The following SMARCD1 variants were observed in gnomAD, a reference collection of about 807,000 sequenced individuals.
SMARCD1 encodes SWI/SNF related BAF chromatin remodeling complex subunit D1, also known as SWI/SNF-related matrix-associated actin-dependent regulator of chromatin subfamily D member 1.
In SMARCD1, 16 loss-of-function variants were observed where a neutral mutation model predicts 70.8. The observed-to-expected ratio is 0.23, with a 90% confidence interval of 0.15 to 0.34. SMARCD1 has a LOEUF of 0.34. Among genes scored for constraint, SMARCD1 ranks in the 10% least tolerant of loss-of-function variants. The pLI is 1.00. For missense variants in SMARCD1, 409 were observed against 655.5 expected (o/e 0.62, Z 4.11); for synonymous variants, 249 against 246.0 (o/e 1.01, Z -0.11).
intron 9 of SMARCD1, among the ~76,000 whole-genome samples, chr12:50,093,344 T>G (rs1336636359): frequency 1.3e-5 from 2 of 150,974 alleles, no homozygotes; most frequent in Non-Finnish European, 3.0e-5. Flanking sequence ...GTGCACCACT[T>G]TTTGTATTGA....
intron 8 of SMARCD1, 29 bp from the exon 9 acceptor site, chr12:50,090,464 T>C (rs1446526741): frequency 6.2e-7 from 1 of 1,613,178 alleles, no homozygotes; most frequent in African/African-American, 1.3e-5. Flanking sequence ...CTCAAACTGC[T>C]AACCTCGTGC....
intron 10 of SMARCD1, among the ~76,000 whole-genome samples, chr12:50,094,797 CT>C (rs1057293932): frequency 6.6e-6 from 1 of 152,014 alleles, no homozygotes; most frequent in Non-Finnish European, 1.5e-5. Context: ...ACCATAGTAC[CT>C]TTTTTTTCCT....
At chr12:50,088,007 C>G (rs1698577845) in intron 5 of SMARCD1, among the ~76,000 whole-genome samples, 1 of 152,150 alleles carries the variant, frequency 6.6e-6, no homozygotes, top group South Asian at 2.1e-4. Flanking sequence ...TTCTCTCATT[C>G]CCTTACATTC....
chr12:50,088,867 C>T (rs1950816125), intron 6 of SMARCD1: 1 of 293,036 alleles, frequency 3.4e-6, no homozygotes, highest in Non-Finnish European at 6.3e-6. Flanking sequence ...TGTTACTATC[C>T]TGGTCACTGC....
rs543595898 is a variant in SMARCD1 at position 50,099,066 on chromosome 12, A to G, written c.*66A>G. 4 of 1,485,936 alleles carry G rather than the reference A, an allele frequency of 2.7e-6. No individual in the cohort carries two copies. The highest frequency in any genetic ancestry group is 3.8e-6 in the Non-Finnish European group (4 of 1,064,248). 92.0% of individuals were successfully genotyped at this position (1,485,936 alleles called of 1,614,324 possible). ...ATTTGGGCCCTGTGCTGCCTGCCTCATAGTATCTGCCTTGGTCTTGCTTGG... is the reference window on the plus strand; with the variant it reads ...ATTTGGGCCCTGTGCTGCCTGCCTCGTAGTATCTGCCTTGGTCTTGCTTGG... On this transcript the variant is annotated 3_prime_UTR_variant, in exon 13 of 13. Coordinates refer to ENST00000394963, the MANE Select transcript of SMARCD1 (RefSeq NM_003076.5).
At chr12:50,088,030 T>A (rs1950807337) in intron 5 of SMARCD1, among the ~76,000 whole-genome samples, 1 of 152,152 alleles carries the variant, frequency 6.6e-6, no homozygotes, top group Admixed American at 6.5e-5. Context: ...TGGCTCTTAT[T>A]TTTAGCTGCT....
At chr12:50,090,703 T>TA in intron 9 of SMARCD1, 113 bp downstream of exon 9, 6 of 661,514 alleles carry the variant, frequency 9.1e-6, no homozygotes, top group South Asian at 1.8e-5. Context: ...ACACAACTGT[T>TA]ACACTGTTAC....
chr12:50,099,219 C>G lies in SMARCD1; in HGVS notation c.*219C>G, dbSNP rs1228120226. ...CAGCTTCCCTTTGCCCCACAAAGTTCCCATGTGCCTGTACCCTCCCCTGGT... is the reference window on the plus strand; with the variant it reads ...CAGCTTCCCTTTGCCCCACAAAGTTGCCATGTGCCTGTACCCTCCCCTGGT... On this transcript the variant is annotated 3_prime_UTR_variant, in exon 13 of 13. Coordinates refer to ENST00000394963, the MANE Select transcript of SMARCD1 (RefSeq NM_003076.5). 1.6e-6 allele frequency: 1 copy of G among 616,864 alleles called. No homozygotes were observed. Among genetic ancestry groups the G allele is most frequent in the African/African-American group, 1.8e-5 (1 of 54,248 alleles). The allele number at this position is 616,864 out of a possible 1,614,324, so 38.2% of individuals were successfully genotyped here.
intron 11 of SMARCD1, among the ~76,000 whole-genome samples, chr12:50,097,727 A>G (rs1950905097): frequency 6.6e-6 from 1 of 150,758 alleles, no homozygotes; most frequent in Non-Finnish European, 1.5e-5. Flanking sequence ...CCCCATCTCT[A>G]CTAAAATAAA....
intron 2 of SMARCD1, 131 bp downstream of exon 2, chr12:50,086,479 T>TTGGTGGTGGTAGTGGTAGTGG (rs61560134): frequency 8.7e-5 from 68 of 781,620 alleles, no homozygotes; most frequent in Non-Finnish European, 1.8e-5. Context: ...TTGAGAATGC[T>TTGGTGGTGGTAGTGGTAGTGG]TGGTGGTGGT....
chr12:50,096,934 A>G lies in SMARCD1; in HGVS notation c.1354A>G (p.Ile452Val), dbSNP rs1950898230. 6.2e-7 allele frequency: 1 copy of G among 1,614,130 alleles called. No homozygotes were observed. Among genetic ancestry groups the G allele is most frequent in the Non-Finnish European group, 8.5e-7 (1 of 1,179,962 alleles). The change falls in exon 11 of 13, where the codon ATC becomes GTC. Residue 452 changes from isoleucine (I) to valine (V), a missense_variant. By Grantham distance (29) the Ile-to-Val change is conservative. This residue lies in a region of SMARCD1 where 269 missense variants were observed against 498.6 expected (regional missense o/e 0.54). Coordinates refer to ENST00000394963, the MANE Select transcript of SMARCD1 (RefSeq NM_003076.5). The part of the protein sequence containing the change: ...LSFARDPQGF[I>V]NDWLQSQCRD... ...CTTTGCCAGAGACCCTCAGGGTTTC[A>G]TCAATGACTGGCTTCAGTCCCAGTG... is the stretch of plus-strand genomic sequence containing the variant.
intron 5 of SMARCD1, among the ~76,000 whole-genome samples, chr12:50,087,982 C>T (rs1950806881): frequency 6.6e-6 from 1 of 152,050 alleles, no homozygotes; most frequent in African/African-American, 2.4e-5. Flanking sequence ...AGAAGCTCCT[C>T]GGGGAAGCTC....
At chr12:50,092,673 T>G (rs1415013928) in intron 9 of SMARCD1, among the ~76,000 whole-genome samples, 1 of 152,160 alleles carries the variant, frequency 6.6e-6, no homozygotes, top group Admixed American at 6.5e-5. Flanking sequence ...GTCTGTCCTA[T>G]ATTCCTATGC....
At chr12:50,097,846 G>T (rs929039676) in intron 11 of SMARCD1, among the ~76,000 whole-genome samples, 2 of 147,040 alleles carry the variant, frequency 1.4e-5, no homozygotes, top group Non-Finnish European at 3.0e-5. Flanking sequence ...AGCCGAGATT[G>T]CGCCACTGCA....
intron 5 of SMARCD1, 31 bp from the exon 6 acceptor site, chr12:50,088,490 C>T: frequency 4.0e-6 from 5 of 1,258,172 alleles, no homozygotes; most frequent in Non-Finnish European, 5.7e-6. Flanking sequence ...TCTGGCCTTT[C>T]CTAATGTGAT....
chr12:50,097,608 C>T (rs568555016), intron 11 of SMARCD1, among the ~76,000 whole-genome samples: 99 of 149,158 alleles, frequency 6.6e-4, no homozygotes, highest in East Asian at 2.0e-3. Context: ...AAGACATTAT[C>T]AGGCCAGGTG....
Position 50,085,470 on chromosome 12 carries a change from CGGGG to C in SMARCD1, c.102_105del (p.Gly35LeufsTer34). ...GCTGCCTTGGGCCCGGGCGGAACTC[CGGGG>C]CCTCCTGTGCGAATGGGCCCGGCTC... On this transcript the variant is annotated frameshift_variant, in exon 1 of 13. Coordinates refer to ENST00000394963, the MANE Select transcript of SMARCD1 (RefSeq NM_003076.5). LOFTEE classifies it high-confidence loss of function. The C allele has an allele frequency of 8.1e-7, 1 of 1,239,222 alleles. No individual in the cohort carries two copies. Among genetic ancestry groups the C allele is most frequent in the Non-Finnish European group, 1.0e-6 (1 of 991,988 alleles). 76.8% of individuals were successfully genotyped at this position (1,239,222 alleles called of 1,614,324 possible).
chr12:50,095,045 G>A lies in SMARCD1; in HGVS notation c.1269+473G>A, dbSNP rs149907032. Reference sequence around the variant, plus strand: ...ACTCCTGACCTCAAGTGATCTGCCCGCCTCAGCCTCCCAAAGTACTGGGAT... The same window carrying A: ...ACTCCTGACCTCAAGTGATCTGCCCACCTCAGCCTCCCAAAGTACTGGGAT... On this transcript the variant is annotated intron_variant, in intron 10 of 12. Transcript: ENST00000394963. Among the ~76,000 whole-genome samples, 535 of 152,256 alleles carry A rather than the reference G, an allele frequency of 3.5e-3. 2 individuals are homozygous for A. Among genetic ancestry groups the A allele is most frequent in the African/African-American group, 0.012 (514 of 41,554 alleles).
Position 50,096,951 on chromosome 12 carries a change from G to A in SMARCD1, c.1371G>A (p.Gln457=). The change falls in exon 11 of 13, where the codon CAG becomes CAA. Residue 457 remains glutamine, a synonymous_variant. Transcript: ENST00000394963. ...DPQGFINDWL[Q]SQCRDLKTMT... is the part of the protein sequence containing the mutation. Reference sequence around the variant, plus strand: ...AGGGTTTCATCAATGACTGGCTTCAGTCCCAGTGCAGGGACCTCAAGGTAA... The same window carrying A: ...AGGGTTTCATCAATGACTGGCTTCAATCCCAGTGCAGGGACCTCAAGGTAA... 6.2e-7 allele frequency: 1 copy of A among 1,613,936 alleles called. No individual in the cohort carries two copies. Among genetic ancestry groups the A allele is most frequent in the Non-Finnish European group, 8.5e-7 (1 of 1,179,850 alleles).
Sources: gnomAD v4.1 joint callset for allele counts (sites outside exome capture counted in the v4.1 genomes callset) on GRCh38, gnomAD v4.1.1 for gene constraint, gnomAD v4.1.1 regional missense constraint, MANE v1.5 for transcripts, NCBI Gene and HGNC (gene_info 2026-07-23, HGNC 2026-07-21) for gene names.